The following TBC1D30 variants were observed in gnomAD, a reference collection of about 807,000 sequenced individuals.
TBC1D30 encodes the protein TBC1 domain family, member 30.
A neutral mutation model predicts 63.2 loss-of-function variants in TBC1D30; 31 were observed. The observed-to-expected ratio is 0.49, with a 90% CI of 0.37 to 0.66. The LOEUF (loss-of-function observed/expected upper bound fraction) is 0.66, where lower values mean the gene tolerates loss of function less well. TBC1D30 is among the 30% of genes least tolerant of loss of function. The pLI, the probability that TBC1D30 is intolerant of heterozygous loss-of-function variation, is 0.00. For missense variants in TBC1D30, 810 were observed against 953.6 expected (o/e 0.85, Z 1.98); for synonymous variants, 307 against 361.5 (o/e 0.85, Z 1.71).
chr12:64,781,312 CG>C (rs1469856957), intron 1 of TBC1D30: 14 of 1,087,138 alleles, frequency 1.3e-5, no homozygotes, highest in Admixed American at 5.7e-5. Flanking sequence ...AGCAGGGTCC[CG>C]GGGGCTTCCT....
intron 2 of TBC1D30, among the ~76,000 whole-genome samples, chr12:64,795,623 A>T (rs1592554263): frequency 6.6e-6 from 1 of 150,550 alleles, no homozygotes; most frequent in East Asian, 2.0e-4. Flanking sequence ...TTAGTTTGGG[A>T]TTTGGCTTTC....
upstream of TBC1D30, among the ~76,000 whole-genome samples, chr12:64,777,638 C>T (rs555239528): frequency 3.2e-4 from 48 of 152,314 alleles, no homozygotes; most frequent in Non-Finnish European, 5.0e-4. Context: ...ACATTCCATG[C>T]TCATGGATAG....
At chr12:64,778,865 CAG>C (rs1320273155), upstream of TBC1D30, among the ~76,000 whole-genome samples, 1 of 152,064 alleles carries the variant, frequency 6.6e-6, no homozygotes, top group African/African-American at 2.4e-5. Flanking sequence ...TTGGTGAGAG[CAG>C]AGTCATGCCA....
upstream of TBC1D30, among the ~76,000 whole-genome samples, chr12:64,820,015 T>C (rs898707103): frequency 6.6e-6 from 1 of 152,216 alleles, no homozygotes; most frequent in African/African-American, 2.4e-5. Flanking sequence ...GCTGTACAGA[T>C]GAGTTCCAGG....
upstream of TBC1D30, among the ~76,000 whole-genome samples, chr12:64,776,238 T>C (rs1871075820): frequency 6.6e-6 from 1 of 152,046 alleles, no homozygotes; most frequent in African/African-American, 2.4e-5. Context: ...ATCCCAAAGC[T>C]AGCAGAAGTC....
intron 8 of TBC1D30, among the ~76,000 whole-genome samples, chr12:64,864,287 C>T (rs1222506946): frequency 1.3e-5 from 2 of 152,168 alleles, no homozygotes; most frequent in African/African-American, 4.8e-5. Flanking sequence ...TCTAACAGAG[C>T]TGTGAAAAGT....
At chr12:64,807,745 T>G (rs1872954057) in intron 2 of TBC1D30, among the ~76,000 whole-genome samples, 1 of 152,070 alleles carries the variant, frequency 6.6e-6, no homozygotes, top group Admixed American at 6.5e-5. Context: ...TTAAAAAATT[T>G]AATTTTTTAA....
At chr12:64,774,205 G>A (rs1373544533) in intron 1 of TBC1D30, among the ~76,000 whole-genome samples, 1 of 152,176 alleles carries the variant, frequency 6.6e-6, no homozygotes, top group Non-Finnish European at 1.5e-5. Flanking sequence ...CTTGAAGAAT[G>A]TCTTTCTGAA....
intron 1 of TBC1D30, among the ~76,000 whole-genome samples, chr12:64,762,693 C>T (rs968980427): frequency 5.3e-5 from 8 of 152,180 alleles, no homozygotes; most frequent in African/African-American, 1.9e-4. Context: ...CATACTTCTT[C>T]ATACTTTTTT....
At chr12:64,829,712 T>C (rs1874673080) in intron 3 of TBC1D30, among the ~76,000 whole-genome samples, 1 of 152,354 alleles carries the variant, frequency 6.6e-6, no homozygotes, top group Admixed American at 6.5e-5. Context: ...AAATACACAC[T>C]TAGGATATTA....
chr12:64,838,547 CAA>C, intron 6 of TBC1D30, 134 bp from the exon 7 acceptor site: 2 of 882,928 alleles, frequency 2.3e-6, no homozygotes, highest in Non-Finnish European at 3.3e-6. Flanking sequence ...AAAGAAAGAA[CAA>C]GAGTTTAGAA....
exon 1 of TBC1D30, chr12:64,759,485 G>C: frequency 1.9e-6 from 1 of 526,818 alleles, no homozygotes; most frequent in Non-Finnish European, 3.3e-6. Flanking sequence ...GGCCGGCGTG[G>C]GCGGGGCTGC....
At chr12:64,781,276 G>A in exon 1 of TBC1D30, 5 of 1,144,218 alleles carry the variant, frequency 4.4e-6, no homozygotes, top group South Asian at 1.6e-5. Context: ...TGCTGTACCT[G>A]CGGCAGAAAG....
intron 7 of TBC1D30, among the ~76,000 whole-genome samples, chr12:64,840,027 A>AAAAAAAAAAAAAAAAAAAAAAAAAAC (rs1555171793): frequency 4.8e-5 from 7 of 145,886 alleles, no homozygotes; most frequent in African/African-American, 1.8e-4. Flanking sequence ...AAAAAAAAAA[A>AAAAAAAAAAAAAAAAAAAAAAAAAAC]ATCCACCAAC....
At chr12:64,761,090 G>C (rs73323494) in intron 1 of TBC1D30, among the ~76,000 whole-genome samples, 1 of 152,126 alleles carries the variant, frequency 6.6e-6, no homozygotes, top group Non-Finnish European at 1.5e-5. Context: ...GCAGTTCCTA[G>C]ACAACCAGAA....
intron 5 of TBC1D30, among the ~76,000 whole-genome samples, chr12:64,833,010 C>T (rs1875007967): frequency 6.6e-6 from 1 of 152,082 alleles, no homozygotes; most frequent in South Asian, 2.1e-4. Flanking sequence ...CTTTAGAAGC[C>T]AGTCACCAGG....
intron 8 of TBC1D30, among the ~76,000 whole-genome samples, chr12:64,860,592 G>C (rs1262802631): frequency 6.6e-6 from 1 of 152,122 alleles, no homozygotes; most frequent in East Asian, 1.9e-4. Context: ...GTTAGATCTT[G>C]AGGCTGTGGT....
intron 2 of TBC1D30, among the ~76,000 whole-genome samples, chr12:64,802,274 G>C (rs1332421977): frequency 2.6e-5 from 4 of 152,096 alleles, no homozygotes; most frequent in Non-Finnish European, 5.9e-5. Flanking sequence ...AAAAGCTTTG[G>C]TCATGTATGA....
chr12:64,762,009 A>G (rs1870532900), intron 1 of TBC1D30, among the ~76,000 whole-genome samples: 1 of 152,202 alleles, frequency 6.6e-6, no homozygotes, highest in African/African-American at 2.4e-5. Flanking sequence ...TATGATTACA[A>G]ATAGACATGC....
Sources: gnomAD v4.1 joint callset for allele counts (sites outside exome capture counted in the v4.1 genomes callset) on GRCh38, gnomAD v4.1.1 for gene constraint, MANE v1.5 for transcripts, NCBI Gene and HGNC (gene_info 2026-07-23, HGNC 2026-07-21) for gene names.